Variants in MGAT4C observed in about 807,000 individuals in gnomAD.
The protein encoded by MGAT4C is MGAT4 family member C.
A neutral mutation model predicts 40.1 loss-of-function variants in MGAT4C; 19 were observed. The ratio of observed to expected loss-of-function variants is 0.47; its 90% CI spans 0.33 to 0.70. MGAT4C has a LOEUF of 0.70. Ranked by LOEUF, MGAT4C falls within the 30% of genes least tolerant of loss-of-function variation. The pLI, the probability that MGAT4C is intolerant of heterozygous loss-of-function variation, is 0.02. For missense variants in MGAT4C, 491 were observed against 563.2 expected (o/e 0.87, Z 1.30); for synonymous variants, 181 against 187.1 (o/e 0.97, Z 0.27).
At chr12:86,374,838 G>T (rs779652056) in intron 3 of MGAT4C, among the ~76,000 whole-genome samples, 3 of 152,060 alleles carry the variant, frequency 2.0e-5, no homozygotes, top group African/African-American at 7.2e-5. Context: ...AACTAATTTC[G>T]TAGTTTAGGC....
chr12:86,669,315 AG>A (rs1321363509), intron 2 of MGAT4C, among the ~76,000 whole-genome samples: 3 of 151,680 alleles, frequency 2.0e-5, no homozygotes, highest in Non-Finnish European at 4.4e-5. Context: ...GCAGAGATCC[AG>A]GTGCAGGGGG....
At chr12:86,797,557 C>T (rs1187534240) in intron 1 of MGAT4C, among the ~76,000 whole-genome samples, 1 of 151,832 alleles carries the variant, frequency 6.6e-6, no homozygotes, top group African/African-American at 2.4e-5. Flanking sequence ...GTTTGTAGAC[C>T]CATTGCAACC....
At chr12:86,495,611 T>G (rs1037275384) in intron 2 of MGAT4C, among the ~76,000 whole-genome samples, 1 of 152,122 alleles carries the variant, frequency 6.6e-6, no homozygotes, top group South Asian at 2.1e-4. Context: ...TAAGTGTTTT[T>G]AATCTGGATC....
intron 1 of MGAT4C, among the ~76,000 whole-genome samples, chr12:86,156,507 G>A (rs2135785813): frequency 6.6e-6 from 1 of 152,256 alleles, no homozygotes; most frequent in East Asian, 1.9e-4. Flanking sequence ...TTTTAGTAGA[G>A]ATGGGGTTTC....
intron 3 of MGAT4C, among the ~76,000 whole-genome samples, chr12:86,376,706 T>G (rs1327862597): frequency 2.0e-5 from 3 of 151,340 alleles, no homozygotes; most frequent in Non-Finnish European, 4.4e-5. Context: ...AAAATATAAA[T>G]AAGCAGGACT....
Position 85,961,661 on chromosome 12 carries a change from G to A in MGAT4C, c.*17628C>T, listed in dbSNP as rs932346422. 2.6e-5 allele frequency: 4 copies of A among 151,736 alleles called. No homozygotes were observed. The highest frequency in any genetic ancestry group is 5.9e-5 in the Non-Finnish European group (4 of 67,746). The allele number at this position is 151,736 out of a possible 1,614,324, so 9.4% of individuals were successfully genotyped here. On this transcript the variant is annotated 3_prime_UTR_variant, in exon 5 of 5. Coordinates refer to ENST00000611864, the MANE Select transcript of MGAT4C (RefSeq NM_001351288.2). ...GTCAGATACAATAAGAGCAACGGAA[G>A]AAAATGTATCAAAACACATCTCCAA... is the stretch of plus-strand genomic sequence containing the variant.
intron 3 of MGAT4C, among the ~76,000 whole-genome samples, chr12:86,369,273 C>A (rs1442479932): frequency 6.6e-6 from 1 of 151,816 alleles, no homozygotes; most frequent in East Asian, 1.9e-4. Context: ...CTCTTATAGA[C>A]AGCATATAGT....
chr12:86,288,374 G>A (rs1953410616), intron 4 of MGAT4C, among the ~76,000 whole-genome samples: 1 of 151,940 alleles, frequency 6.6e-6, no homozygotes, highest in Non-Finnish European at 1.5e-5. Context: ...GTCAATTTTG[G>A]CTTTTGTTGC....
At chr12:86,117,334 G>A (rs935489061) in intron 1 of MGAT4C, among the ~76,000 whole-genome samples, 11 of 152,132 alleles carry the variant, frequency 7.2e-5, no homozygotes, top group Admixed American at 2.6e-4. Flanking sequence ...ATTTTGAGCA[G>A]GAAGGAGAAT....
chr12:86,238,841 G>A (rs1951659005), intron 1 of MGAT4C, among the ~76,000 whole-genome samples: 1 of 151,884 alleles, frequency 6.6e-6, no homozygotes, highest in Non-Finnish European at 1.5e-5. Context: ...CAAACTCATA[G>A]TATTAATATT....
intron 1 of MGAT4C, among the ~76,000 whole-genome samples, chr12:86,792,758 C>T (rs1395573188): frequency 6.6e-6 from 1 of 151,948 alleles, no homozygotes; most frequent in Non-Finnish European, 1.5e-5. Context: ...ATGGTGAAAC[C>T]CCATTTCCAC....
chr12:86,273,752 G>A (rs1296278957), intron 4 of MGAT4C, among the ~76,000 whole-genome samples: 1 of 152,056 alleles, frequency 6.6e-6, no homozygotes, highest in East Asian at 1.9e-4. Flanking sequence ...CACTGCATAC[G>A]ATAACAGAGT....
intron 4 of MGAT4C, among the ~76,000 whole-genome samples, chr12:86,273,907 C>T (rs996649858): frequency 2.0e-5 from 3 of 152,114 alleles, no homozygotes; most frequent in Admixed American, 6.6e-5. Flanking sequence ...TGTATTAGAC[C>T]GTTCTGGCAT....
chr12:86,483,742 T>TA (rs1957972171), intron 2 of MGAT4C, among the ~76,000 whole-genome samples: 1 of 149,682 alleles, frequency 6.7e-6, no homozygotes, highest in Admixed American at 6.7e-5. Context: ...CCTGTAAGTC[T>TA]CCTACTTGGC....
In MGAT4C at chr12:85,965,139, C is replaced by T. The variant is rs1233853964; in HGVS notation, c.*14150G>A. The T allele has an allele frequency of 2.6e-5, 4 of 152,026 alleles. No homozygotes were observed. The highest frequency in any genetic ancestry group is 5.9e-5 in the Non-Finnish European group (4 of 68,010). 9.4% of individuals were successfully genotyped at this position (152,026 alleles called of 1,614,324 possible). On this transcript the variant is annotated 3_prime_UTR_variant, in exon 5 of 5. Coordinates refer to ENST00000611864, the MANE Select transcript of MGAT4C (RefSeq NM_001351288.2). ...TATTTATTTGTTTATTTTTATTATA[C>T]TTTAAGTTTTAGGGTACATGTGCAT...
intron 1 of MGAT4C, among the ~76,000 whole-genome samples, chr12:86,786,853 G>A (rs556810663): frequency 6.6e-6 from 1 of 152,128 alleles, no homozygotes; most frequent in South Asian, 2.1e-4. Flanking sequence ...CTCCAACAAT[G>A]TTTTAATTTT....
rs558443949 is a variant in MGAT4C, at chr12:86,422,810, A to G, written c.-120+12347T>C. On this transcript the variant is annotated intron_variant, in intron 3 of 7. Transcript: ENST00000548651. Reference sequence around the variant, plus strand: ...TTGTATTTTATTTTGGAAAAAAAACATAGAGTATCTGGGTTACTGTGACAA... The same window carrying G: ...TTGTATTTTATTTTGGAAAAAAAACGTAGAGTATCTGGGTTACTGTGACAA... Among the ~76,000 whole-genome samples, 29 of 152,248 alleles carry G rather than the reference A, an allele frequency of 1.9e-4. No homozygotes were observed. In the East Asian group the frequency reaches 5.0e-3, roughly 26 times the overall value.
intron 1 of MGAT4C, among the ~76,000 whole-genome samples, chr12:86,749,920 A>T (rs1951208145): frequency 6.6e-6 from 1 of 151,798 alleles, no homozygotes; most frequent in Non-Finnish European, 1.5e-5. Context: ...AGGTTTATTC[A>T]GTTTGATTAT....
At chr12:86,300,538 G>T (rs1417076439) in intron 4 of MGAT4C, among the ~76,000 whole-genome samples, 2 of 152,108 alleles carry the variant, frequency 1.3e-5, no homozygotes, top group Non-Finnish European at 2.9e-5. Context: ...ACAGAGAAGG[G>T]TGGTTCCTTC....
Sources: gnomAD v4.1 joint callset for allele counts (sites outside exome capture counted in the v4.1 genomes callset) on GRCh38, gnomAD v4.1.1 for gene constraint, MANE v1.5 for transcripts, NCBI Gene and HGNC (gene_info 2026-07-23, HGNC 2026-07-21) for gene names.